RNASE4: variants seen among roughly 807,000 people sequenced by gnomAD.
RNASE4 encodes the protein ribonuclease 4.
For missense variants in RNASE4, 194 were observed against 192.8 expected, an observed-to-expected ratio of 1.01 and a Z score of -0.04; for synonymous variants, 93 against 71.4, an observed-to-expected ratio of 1.30 and a Z score of -1.52.
intron 1 of RNASE4, among the ~76,000 whole-genome samples, chr14:20,690,221 C>CAAAAA (rs36091065): frequency 9.7e-3 from 657 of 67,922 alleles, no homozygotes; most frequent in Non-Finnish European, 0.011. Context: ...GACTCCGTCT[C>CAAAAA]AAAAAAAAAA....
chr14:20,689,799 C>G (rs1886617690), intron 1 of RNASE4, among the ~76,000 whole-genome samples: 1 of 151,804 alleles, frequency 6.6e-6, no homozygotes, highest in Non-Finnish European at 1.5e-5. Flanking sequence ...GCCTGTAATC[C>G]CAGCTACTTG....
At chr14:20,686,551 G>A (rs1421483989) in intron 1 of RNASE4, among the ~76,000 whole-genome samples, 1 of 152,226 alleles carries the variant, frequency 6.6e-6, no homozygotes, top group Non-Finnish European at 1.5e-5. Context: ...AGAATGCCAT[G>A]AAATACTTGG....
intron 1 of RNASE4, among the ~76,000 whole-genome samples, chr14:20,697,163 C>T (rs1351967213): frequency 6.6e-6 from 1 of 152,198 alleles, no homozygotes; most frequent in Non-Finnish European, 1.5e-5. Flanking sequence ...CCTGGGTCTG[C>T]TCTCGCATGC....
chr14:20,699,267 A>C (rs1206478655), intron 1 of RNASE4, 88 bp from the exon 2 acceptor site: 3 of 1,082,530 alleles, frequency 2.8e-6, no homozygotes, highest in Non-Finnish European at 4.0e-6. Flanking sequence ...GAGACTATGG[A>C]GTCAGGATGC....
In RNASE4 at chr14:20,700,439, A is replaced by G. The variant is rs955740731; in HGVS notation, c.*624A>G. 2 of 167,152 alleles carry G rather than the reference A, an allele frequency of 1.2e-5. No individual in the cohort carries two copies. Among genetic ancestry groups the G allele is most frequent in the Non-Finnish European group, 2.9e-5 (2 of 68,138 alleles). 10.4% of individuals were successfully genotyped at this position (167,152 alleles called of 1,614,324 possible). ...TATGTTTGGGTTTAATAAGATTAAGAAAATGATACTGGGAATTTTCTTTTT... is the reference window on the plus strand; with the variant it reads ...TATGTTTGGGTTTAATAAGATTAAGGAAATGATACTGGGAATTTTCTTTTT... On this transcript the variant is annotated 3_prime_UTR_variant, in exon 2 of 2. Coordinates refer to ENST00000555835, the MANE Select transcript of RNASE4 (RefSeq NM_002937.5).
chr14:20,692,940 C>T (rs889237807), intron 1 of RNASE4, among the ~76,000 whole-genome samples: 3 of 152,068 alleles, frequency 2.0e-5, no homozygotes, highest in Admixed American at 6.5e-5. Flanking sequence ...CTCCGCCTCC[C>T]GGGTTCACGC....
chr14:20,690,034 T>G lies in RNASE4; in HGVS notation c.-18+5276T>G, dbSNP rs1390139224. 9.2e-5 allele frequency among the ~76,000 whole-genome samples: 13 copies of G among 140,666 alleles called. No homozygotes were observed. In the East Asian group the frequency reaches 2.5e-3, roughly 27 times the overall value. The allele number at this position is 140,666 out of a possible 152,430, so 92.3% of individuals were successfully genotyped here. On this transcript the variant is annotated intron_variant, in intron 1 of 1. Transcript: ENST00000555835. ...ATCGAGACCATCCTGGCTAACAAGG[T>G]GAAACCCCGTCTCTACTAAAAATAC...
At chr14:20,688,946 C>A in intron 1 of RNASE4, 1 of 760,234 alleles carries the variant, frequency 1.3e-6, no homozygotes, top group South Asian at 6.0e-5. Context: ...CCATTTTCCT[C>A]CCTTTAAAGC....
intron 1 of RNASE4, chr14:20,688,794 C>T (rs1297838448): frequency 1.4e-5 from 14 of 985,190 alleles, no homozygotes; most frequent in Non-Finnish European, 1.7e-5. Flanking sequence ...ACAACTGGAA[C>T]CCATCTCCAG....
chr14:20,698,719 T>C (rs1377093612), intron 1 of RNASE4: 1 of 152,054 alleles, frequency 6.6e-6, no homozygotes, highest in East Asian at 1.9e-4. Context: ...TATTCTAGAA[T>C]TAGAATAGAT....
chr14:20,694,297 G>GTTTTTTTT (rs34921147), intron 1 of RNASE4: 4 of 213,420 alleles, frequency 1.9e-5, no homozygotes, highest in Admixed American at 7.5e-5. Flanking sequence ...TTTTCTTTTC[G>GTTTTTTTT]TTTTTTTTTT....
intron 1 of RNASE4, among the ~76,000 whole-genome samples, chr14:20,685,832 G>A (rs1886396267): frequency 6.6e-6 from 1 of 152,136 alleles, no homozygotes; most frequent in South Asian, 2.1e-4. Flanking sequence ...ACAAGATCAG[G>A]AGTTCGAGAC....
At chr14:20,690,240 A>G (rs1006150674) in intron 1 of RNASE4, among the ~76,000 whole-genome samples, 6 of 149,026 alleles carry the variant, frequency 4.0e-5, no homozygotes, top group South Asian at 2.1e-4. Context: ...AAAAAAAAAA[A>G]AAAAAAAAGA....
At chr14:20,690,781 A>T (rs1248923469) in intron 1 of RNASE4, among the ~76,000 whole-genome samples, 8 of 152,220 alleles carry the variant, frequency 5.3e-5, no homozygotes, top group Non-Finnish European at 1.0e-4. Context: ...TCAATTACTT[A>T]AAAAATATTA....
chr14:20,694,297 G>GTTTTTTT (rs34921147), intron 1 of RNASE4: 15 of 213,412 alleles, frequency 7.0e-5, no homozygotes, highest in East Asian at 1.3e-4. Flanking sequence ...TTTTCTTTTC[G>GTTTTTTT]TTTTTTTTTT....
intron 1 of RNASE4, among the ~76,000 whole-genome samples, chr14:20,691,411 A>G (rs1462071996): frequency 2.0e-5 from 3 of 152,258 alleles, no homozygotes; most frequent in Non-Finnish European, 4.4e-5. Flanking sequence ...CCAAAAAACT[A>G]GAAACAGGAA....
chr14:20,685,592 C>G (rs962877196), intron 1 of RNASE4, among the ~76,000 whole-genome samples: 1 of 152,132 alleles, frequency 6.6e-6, no homozygotes, highest in Non-Finnish European at 1.5e-5. Context: ...TTATTACATA[C>G]GCTTCAATTC....
At chr14:20,694,565 G>T (rs1442205992) in intron 1 of RNASE4, among the ~76,000 whole-genome samples, 1 of 152,090 alleles carries the variant, frequency 6.6e-6, no homozygotes, top group African/African-American at 2.4e-5. Context: ...CTCTCAAAGT[G>T]CTGGGATTAC....
Position 20,691,506 on chromosome 14 carries a change from G to A in RNASE4, c.-18+6748G>A, listed in dbSNP as rs142443131. Among the ~76,000 whole-genome samples, 985 of 152,342 alleles carry A rather than the reference G, an allele frequency of 6.5e-3. 5 individuals are homozygous for A. The highest frequency in any genetic ancestry group is 0.01 in the Non-Finnish European group (703 of 68,032). On this transcript the variant is annotated intron_variant, in intron 1 of 1. Coordinates refer to ENST00000555835, the MANE Select transcript of RNASE4 (RefSeq NM_002937.5). ...TTGGCAGCCCAGCAGCTATACTGGAGCAGCTGCATGAGTGAATACTTGTTA... is the reference window on the plus strand; with the variant it reads ...TTGGCAGCCCAGCAGCTATACTGGAACAGCTGCATGAGTGAATACTTGTTA...
Sources: allele counts gnomAD v4.1 joint callset (sites outside exome capture counted in the v4.1 genomes callset), GRCh38; gene constraint gnomAD v4.1.1; transcripts MANE v1.5; gene names NCBI Gene and HGNC (gene_info 2026-07-23, HGNC 2026-07-21).